TNFRSF10B: variants seen among roughly 807,000 people sequenced by gnomAD.
TNFRSF10B encodes the protein TNF receptor superfamily member 10b, also known as tumor necrosis factor receptor superfamily member 10B.
Under a neutral mutation model 41.4 loss-of-function variants are expected in TNFRSF10B, and 35 were observed. The observed-to-expected ratio is 0.85, with a 90% confidence interval of 0.65 to 1.12. The LOEUF (loss-of-function observed/expected upper bound fraction) is 1.12. Among genes scored for constraint, TNFRSF10B ranks in the 50% most tolerant of loss-of-function variants. The pLI is 0.00. For synonymous variants in TNFRSF10B, 230 were observed against 215.5 expected, an observed-to-expected ratio of 1.07 and a Z score of -0.59; for missense variants, 584 against 552.7, an observed-to-expected ratio of 1.06 and a Z score of -0.57.
At chr8:23,067,591 G>A (rs1005486714) in intron 1 of TNFRSF10B, among the ~76,000 whole-genome samples, 1 of 152,134 alleles carries the variant, frequency 6.6e-6, no homozygotes, top group Non-Finnish European at 1.5e-5. Flanking sequence ...AGAAACCACA[G>A]CAGGAGGGGG....
chr8:23,038,513 T>C (rs1812085585), intron 2 of TNFRSF10B, among the ~76,000 whole-genome samples: 1 of 152,252 alleles, frequency 6.6e-6, no homozygotes, highest in Non-Finnish European at 1.5e-5. Context: ...AATATCTGTG[T>C]TTTCTTCCTT....
intron 1 of TNFRSF10B, among the ~76,000 whole-genome samples, chr8:23,058,486 A>T (rs1314056297): frequency 7.4e-6 from 1 of 134,540 alleles, no homozygotes; most frequent in Non-Finnish European, 1.6e-5. Context: ...TTAATTGTGT[A>T]TTGGCTTTTT....
intron 1 of TNFRSF10B, among the ~76,000 whole-genome samples, chr8:23,045,772 G>T (rs1812339748): frequency 6.6e-6 from 1 of 152,162 alleles, no homozygotes; most frequent in Non-Finnish European, 1.5e-5. Context: ...GGGATGCAAA[G>T]ATGGTTCAAC....
chr8:23,041,120 G>C (rs531337382), intron 2 of TNFRSF10B, among the ~76,000 whole-genome samples: 1 of 150,804 alleles, frequency 6.6e-6, no homozygotes, highest in South Asian at 2.1e-4. Flanking sequence ...GTGCAATGGC[G>C]TGATCTCAGC....
chr8:23,042,346 C>T lies in TNFRSF10B; in HGVS notation c.250+792G>A, dbSNP rs1162458138. Among the ~76,000 whole-genome samples the T allele has an allele frequency of 4.6e-5, 7 of 152,348 alleles. No homozygotes were observed. The East Asian group carries it at 1.4e-3, about 29-fold the overall frequency. On this transcript the variant is annotated intron_variant, in intron 2 of 8. Transcript: ENST00000276431. Reference sequence around the variant, plus strand: ...TGTAAATGGATTTTAAAAGCCACTGCTTGCCACACTTGCCTGCCCTGGAAA... The same window carrying T: ...TGTAAATGGATTTTAAAAGCCACTGTTTGCCACACTTGCCTGCCCTGGAAA...
chr8:23,020,530 A>G lies in TNFRSF10B; in HGVS notation c.*2141T>C, dbSNP rs745786339. The G allele has an allele frequency of 2.2e-6, 1 of 446,892 alleles. No individual in the cohort carries two copies. Among genetic ancestry groups the G allele is most frequent in the South Asian group, 1.6e-5 (1 of 63,968 alleles). The allele number at this position is 446,892 out of a possible 1,614,324, so 27.7% of individuals were successfully genotyped here. Reference sequence around the variant, plus strand: ...AACATGGTGAAACCCCGTCTCTACTAAAAATACAAAAATTAGCCAGGCGTG... The same window carrying G: ...AACATGGTGAAACCCCGTCTCTACTGAAAATACAAAAATTAGCCAGGCGTG... On this transcript the variant is annotated 3_prime_UTR_variant, in exon 9 of 9. Transcript: ENST00000276431.
intron 8 of TNFRSF10B, among the ~76,000 whole-genome samples, chr8:23,023,961 G>A (rs1224891912): frequency 6.6e-6 from 1 of 152,080 alleles, no homozygotes; most frequent in Non-Finnish European, 1.5e-5. Context: ...GAGGATGAGG[G>A]GACGGACAGA....
rs142625093 is a variant in TNFRSF10B at position 23,047,013 on chromosome 8, C to T, written c.145-3770G>A. 3.2e-3 allele frequency among the ~76,000 whole-genome samples: 491 copies of T among 152,256 alleles called. 2 individuals are homozygous for T. Among genetic ancestry groups the T allele is most frequent in the African/African-American group, 0.011 (460 of 41,544 alleles). ...AAACTATTAAACTGCTAGAAGAAAA[C>T]ACAGGGGCTAAAACTACACAACATT... On this transcript the variant is annotated intron_variant, in intron 1 of 8. Coordinates refer to ENST00000276431, the MANE Select transcript of TNFRSF10B (RefSeq NM_003842.5).
In TNFRSF10B at chr8:23,027,307, A is replaced by G; in HGVS notation, c.781-19T>C. The stretch of plus-strand genomic sequence containing the variant: ...GTGAGCTCTGGAAAAAGACATTGGG[A>G]AGGCAAAAAGCCGACTCAGGAGTCC... On this transcript the variant is annotated intron_variant, in intron 6 of 8. Coordinates refer to ENST00000276431, the MANE Select transcript of TNFRSF10B (RefSeq NM_003842.5). 1 of 1,613,864 alleles carries G rather than the reference A, an allele frequency of 6.2e-7. No homozygotes were observed. The highest frequency in any genetic ancestry group is 8.5e-7 in the Non-Finnish European group (1 of 1,179,978).
intron 1 of TNFRSF10B, among the ~76,000 whole-genome samples, chr8:23,061,370 T>A (rs904156982): frequency 4.6e-5 from 7 of 152,238 alleles, no homozygotes; most frequent in African/African-American, 1.7e-4. Flanking sequence ...TACTGTCTTT[T>A]ACTGAACAAC....
Position 23,059,802 on chromosome 8 carries a change from G to A in TNFRSF10B, c.144+8949C>T, listed in dbSNP as rs191385132. On this transcript the variant is annotated intron_variant, in intron 1 of 8. Transcript: ENST00000276431. Reference sequence around the variant, plus strand: ...GTGGGGATTACAGGCATGAGCCACCGCACCCGGCCTGTGTGTGTTTTTTAT... The same window carrying A: ...GTGGGGATTACAGGCATGAGCCACCACACCCGGCCTGTGTGTGTTTTTTAT... 7.9e-4 allele frequency among the ~76,000 whole-genome samples: 120 copies of A among 152,284 alleles called. 1 individual carries two copies. Among genetic ancestry groups the A allele is most frequent in the African/African-American group, 2.2e-3 (90 of 41,566 alleles).
At chr8:23,039,106 G>C (rs962000993) in intron 2 of TNFRSF10B, among the ~76,000 whole-genome samples, 1 of 151,764 alleles carries the variant, frequency 6.6e-6, no homozygotes, top group African/African-American at 2.4e-5. Flanking sequence ...ATTCTCATAA[G>C]GAGTGCGCAA....
chr8:23,033,776 G>A (rs112508212), intron 2 of TNFRSF10B, among the ~76,000 whole-genome samples: 2,396 of 152,004 alleles, frequency 0.016, 57 homozygotes, highest in African/African-American at 0.054. Context: ...GTGCATTTGC[G>A]TAACCTCTTC....
rs201797559 is a variant in TNFRSF10B at position 23,064,321 on chromosome 8, AT to A, written c.144+4429del. On this transcript the variant is annotated intron_variant, in intron 1 of 8. Coordinates refer to ENST00000276431, the MANE Select transcript of TNFRSF10B (RefSeq NM_003842.5). The stretch of plus-strand genomic sequence containing the variant: ...ACAAGAGAGGTACTGCTGAATTAAT[AT>A]TGTAATATGATTACAAAATGTAGGA... Among the ~76,000 whole-genome samples, 4 of 152,344 alleles carry A rather than the reference AT, an allele frequency of 2.6e-5. No homozygotes were observed. In the East Asian group the frequency reaches 7.7e-4, roughly 29 times the overall value.
At position 23,021,926 on chromosome 8, in the gene TNFRSF10B, C is replaced by G. The variant is rs1283456548; in HGVS notation, c.*745G>C. ...TAAACAAGTACATTTACTAAAGTTT[C>G]TTCATGTTCATAAAATAATAACATA... is the stretch of plus-strand genomic sequence containing the variant. On this transcript the variant is annotated 3_prime_UTR_variant, in exon 9 of 9. Transcript: ENST00000276431. The G allele has an allele frequency of 2.2e-6, 1 of 453,084 alleles. No homozygotes were observed. The highest frequency in any genetic ancestry group is 6.9e-5 in the East Asian group (1 of 14,402). 28.1% of individuals were successfully genotyped at this position (453,084 alleles called of 1,614,324 possible). A position where few individuals can be genotyped will look rare whatever the true frequency, so the allele number is the denominator to read the frequency against.
chr8:23,036,039 C>G (rs2128813539), intron 2 of TNFRSF10B, among the ~76,000 whole-genome samples: 1 of 152,170 alleles, frequency 6.6e-6, no homozygotes, highest in South Asian at 2.1e-4. Flanking sequence ...CTAGGTCAAC[C>G]ACAGCACAGG....
rs1159473571 is a variant in TNFRSF10B, at chr8:23,043,163, G to T, written c.225C>A (p.Ser75Arg). The T allele has an allele frequency of 6.2e-7, 1 of 1,614,120 alleles. No homozygotes were observed. The highest frequency in any genetic ancestry group is 1.1e-5 in the South Asian group (1 of 91,074). ...CAGGTGGACACAATCCCTCTGAGGG[G>T]CTGGACCTCTTTTGTTGTGGGGCCG... The part of the protein sequence containing the change: ...QRAAPQQKRS[S>R]PSEGLCPPGH... The change falls in exon 2 of 9, where the codon AGC becomes AGA. Residue 75 changes from serine (S) to arginine (R), a missense_variant. Transcript: ENST00000276431.
At chr8:23,033,235 C>T (rs1811929775) in intron 2 of TNFRSF10B, among the ~76,000 whole-genome samples, 1 of 151,990 alleles carries the variant, frequency 6.6e-6, no homozygotes, top group African/African-American at 2.4e-5. Flanking sequence ...AAAAGGAATC[C>T]TTTAGGAGGT....
At chr8:23,034,644 C>T (rs7830453) in intron 2 of TNFRSF10B, among the ~76,000 whole-genome samples, 130,045 of 152,234 alleles carry the variant, frequency 0.85, 56,002 homozygotes, top group East Asian at 0.95. Flanking sequence ...GGAGGATTGC[C>T]TGAGCCCAGG....
Sources: gnomAD v4.1 joint callset for allele counts (sites outside exome capture counted in the v4.1 genomes callset) on GRCh38, gnomAD v4.1.1 for gene constraint, MANE v1.5 for transcripts, NCBI Gene and HGNC (gene_info 2026-07-23, HGNC 2026-07-21) for gene names.